The following DIAPH3 variants were observed in gnomAD, a reference collection of about 807,000 sequenced individuals.
DIAPH3 encodes the protein protein diaphanous homolog 3.
In DIAPH3, 117 loss-of-function variants were observed where a neutral mutation model predicts 144.3. The observed-to-expected ratio is 0.81, with a 90% confidence interval of 0.70 to 0.95. The LOEUF is 0.95. Ranked by LOEUF, DIAPH3 falls within the 40% of genes least tolerant of loss-of-function variation. The pLI, the probability that DIAPH3 is intolerant of heterozygous loss-of-function variation, is 0.00. For synonymous variants in DIAPH3, 519 were observed against 488.9 expected (o/e 1.06, Z -0.81); for missense variants, 1,421 against 1,412.7 (o/e 1.01, Z -0.09).
chr13:60,025,404 CAAA>C (rs370177105), intron 5 of DIAPH3, among the ~76,000 whole-genome samples: 4 of 68,132 alleles, frequency 5.9e-5, no homozygotes, highest in Non-Finnish European at 1.1e-4. Flanking sequence ...TTGTGCTTAG[CAAA>C]AAAAAAAAAA....
At chr13:59,772,598 A>G (rs1300783334) in intron 27 of DIAPH3, among the ~76,000 whole-genome samples, 1 of 152,148 alleles carries the variant, frequency 6.6e-6, no homozygotes, top group African/African-American at 2.4e-5. Context: ...GAGCCATTAT[A>G]TCCCAGACAC....
At chr13:59,856,115 A>T (rs116880668) in intron 22 of DIAPH3, among the ~76,000 whole-genome samples, 2 of 152,314 alleles carry the variant, frequency 1.3e-5, no homozygotes, top group East Asian at 3.9e-4. Context: ...CAAAAGAGGA[A>T]TTGAAGCATA....
At chr13:59,879,733 G>T (rs906149953) in intron 20 of DIAPH3, among the ~76,000 whole-genome samples, 4 of 152,046 alleles carry the variant, frequency 2.6e-5, no homozygotes, top group African/African-American at 7.2e-5. Flanking sequence ...AAGCAATAAA[G>T]TAAGCATTTT....
intron 27 of DIAPH3, among the ~76,000 whole-genome samples, chr13:59,690,634 T>G (rs2033463448): frequency 6.6e-6 from 1 of 152,212 alleles, no homozygotes; most frequent in Non-Finnish European, 1.5e-5. Context: ...TATAACATTC[T>G]TTCTATGGGA....
At chr13:59,722,822 T>C (rs1441308781) in intron 27 of DIAPH3, among the ~76,000 whole-genome samples, 7 of 152,150 alleles carry the variant, frequency 4.6e-5, no homozygotes, top group Admixed American at 2.6e-4. Flanking sequence ...AATGCCATGG[T>C]AGCCTGTGTT....
Position 59,974,388 on chromosome 13 carries a change from A to G in DIAPH3, c.1614T>C (p.Asn538=), listed in dbSNP as rs1289732106. The change falls in exon 15 of 28, where the codon AAT becomes AAC. Residue 538 remains asparagine, a synonymous_variant. Coordinates refer to ENST00000400324, the MANE Select transcript of DIAPH3 (RefSeq NM_001042517.2). ...AELQKKEAKI[N]ELQAELQAFK... The stretch of plus-strand genomic sequence containing the variant: ...AAGCTTGTAGCTCTGCTTGAAGCTC[A>G]TTAATCTTTGCCTCTTTTTTCTGCA... The G allele has an allele frequency of 1.2e-6, 2 of 1,612,106 alleles. No homozygotes were observed. The highest frequency in any genetic ancestry group is 1.7e-6 in the Non-Finnish European group (2 of 1,179,474).
At chr13:59,673,745 A>T (rs1204794674) in intron 27 of DIAPH3, among the ~76,000 whole-genome samples, 1 of 152,164 alleles carries the variant, frequency 6.6e-6, no homozygotes, top group Non-Finnish European at 1.5e-5. Context: ...ATTGTGCCTA[A>T]GTAACAAAGC....
intron 17 of DIAPH3, among the ~76,000 whole-genome samples, chr13:59,937,055 C>T (rs1049905467): frequency 7.9e-5 from 12 of 151,284 alleles, no homozygotes; most frequent in African/African-American, 2.9e-4. Flanking sequence ...CGCAGCTACT[C>T]GGGAGGCTGA....
intron 17 of DIAPH3, among the ~76,000 whole-genome samples, chr13:59,926,753 G>A (rs2047772255): frequency 6.6e-6 from 1 of 152,118 alleles, no homozygotes; most frequent in Non-Finnish European, 1.5e-5. Flanking sequence ...CCTAACATAT[G>A]GTCTATTCTG....
chr13:59,871,018 C>A (rs1214401224), intron 21 of DIAPH3, among the ~76,000 whole-genome samples: 1 of 151,992 alleles, frequency 6.6e-6, no homozygotes, highest in Admixed American at 6.6e-5. Flanking sequence ...TAGATTAATA[C>A]CTATGTATGG....
At chr13:59,963,411 A>G (rs2049873950) in intron 17 of DIAPH3, among the ~76,000 whole-genome samples, 1 of 152,204 alleles carries the variant, frequency 6.6e-6, no homozygotes, top group Non-Finnish European at 1.5e-5. Context: ...TCAAAATGCT[A>G]CATAGAATTT....
rs2035177951 is a variant in DIAPH3, at chr13:59,718,551, T to A, written c.3320-51705A>T. Among the ~76,000 whole-genome samples, 3 of 152,198 alleles carry A rather than the reference T, an allele frequency of 2.0e-5. No homozygotes were observed. The South Asian group carries it at 6.2e-4, about 32-fold the overall frequency. Reference sequence around the variant, plus strand: ...TAATGAATTAGGTTAATGTGCCTGTTAAGATGATACAAGGTAGAAAGGGGA... The same window carrying A: ...TAATGAATTAGGTTAATGTGCCTGTAAAGATGATACAAGGTAGAAAGGGGA... On this transcript the variant is annotated intron_variant, in intron 27 of 27. Coordinates refer to ENST00000400324, the MANE Select transcript of DIAPH3 (RefSeq NM_001042517.2).
At chr13:59,799,224 T>G (rs2039768595) in intron 25 of DIAPH3, among the ~76,000 whole-genome samples, 1 of 151,914 alleles carries the variant, frequency 6.6e-6, no homozygotes, top group African/African-American at 2.4e-5. Flanking sequence ...GTTATGGACG[T>G]AGATGCCAAC....
chr13:59,744,229 T>C (rs556139146), intron 27 of DIAPH3, among the ~76,000 whole-genome samples: 5 of 152,198 alleles, frequency 3.3e-5, no homozygotes, highest in Non-Finnish European at 7.3e-5. Flanking sequence ...TACCAGATGA[T>C]GACATGATAT....
chr13:60,124,152 G>A (rs564861495), intron 2 of DIAPH3, among the ~76,000 whole-genome samples: 30 of 152,266 alleles, frequency 2.0e-4, no homozygotes, highest in African/African-American at 6.0e-4. Flanking sequence ...CAGTTATACC[G>A]AGGAAGAAGG....
chr13:59,993,675 A>C (rs892856352), intron 9 of DIAPH3, among the ~76,000 whole-genome samples: 4 of 143,670 alleles, frequency 2.8e-5, no homozygotes, highest in African/African-American at 5.2e-5. Flanking sequence ...AATATGTCAG[A>C]AGAGAGAGGA....
intron 17 of DIAPH3, among the ~76,000 whole-genome samples, chr13:59,946,423 C>T (rs963633335): frequency 6.6e-6 from 1 of 152,190 alleles, no homozygotes; most frequent in East Asian, 1.9e-4. Context: ...TACCTGATAC[C>T]ATTCTTTACA....
intron 14 of DIAPH3, among the ~76,000 whole-genome samples, chr13:59,979,828 A>G (rs1316071235): frequency 6.6e-6 from 1 of 151,674 alleles, no homozygotes; most frequent in Non-Finnish European, 1.5e-5. Context: ...TGGGTTCATC[A>G]TGGTGACAAC....
intron 3 of DIAPH3, among the ~76,000 whole-genome samples, chr13:60,105,532 G>C (rs73203942): frequency 0.023 from 3,523 of 152,170 alleles, 66 homozygotes; most frequent in Non-Finnish European, 0.034. Flanking sequence ...CACAACCCAT[G>C]AATCAACTTG....
Sources: allele counts gnomAD v4.1 joint callset (sites outside exome capture counted in the v4.1 genomes callset), GRCh38; gene constraint gnomAD v4.1.1; transcripts MANE v1.5; gene names NCBI Gene and HGNC (gene_info 2026-07-23, HGNC 2026-07-21).